The following LUZP2 variants were observed in gnomAD, a reference collection of about 807,000 sequenced individuals.
LUZP2 encodes leucine zipper protein 2.
In LUZP2, 52 loss-of-function variants were observed where a neutral mutation model predicts 51.6. The observed-to-expected ratio is 1.01, with a 90% CI of 0.81 to 1.27. The LOEUF (loss-of-function observed/expected upper bound fraction) is 1.27. LUZP2 is among the 50% of genes most tolerant of loss of function. The probability of loss-of-function intolerance (pLI) is 0.00; values close to 1 mark genes in which losing one functional copy is unlikely to be tolerated. For missense variants in LUZP2, 436 were observed against 395.4 expected (o/e 1.10, Z -0.87); for synonymous variants, 154 against 137.3 (o/e 1.12, Z -0.85).
intron 10 of LUZP2, among the ~76,000 whole-genome samples, chr11:25,061,762 C>T (rs932370700): frequency 6.6e-6 from 1 of 152,070 alleles, no homozygotes; most frequent in Non-Finnish European, 1.5e-5. Flanking sequence ...ATTAATCCAT[C>T]ATTCACTACA....
At chr11:24,896,222 T>C (rs1288476621) in intron 5 of LUZP2, among the ~76,000 whole-genome samples, 1 of 152,148 alleles carries the variant, frequency 6.6e-6, no homozygotes. Flanking sequence ...CACTGCACTG[T>C]GGGGGCCCCT....
In LUZP2 at chr11:24,875,152, G is replaced by A. The variant is rs1300533752; in HGVS notation, c.397-30839G>A. On this transcript the variant is annotated intron_variant, in intron 5 of 11. Coordinates refer to ENST00000336930, the MANE Select transcript of LUZP2 (RefSeq NM_001009909.4). The stretch of plus-strand genomic sequence containing the variant: ...GTTTTAGGGTACATGTGCACAATGT[G>A]CAGGTTAGTTACATATGTATACATG... Among the ~76,000 whole-genome samples the A allele has an allele frequency of 2.7e-5, 4 of 150,842 alleles. 1 individual carries two copies. In the East Asian group the frequency reaches 7.9e-4, roughly 30 times the overall value.
chr11:24,794,195 A>T (rs1231916504), intron 5 of LUZP2, among the ~76,000 whole-genome samples: 1 of 152,156 alleles, frequency 6.6e-6, no homozygotes, highest in Admixed American at 6.6e-5. Context: ...AGGAAGTGCC[A>T]TTAAACCTTG....
intron 1 of LUZP2, among the ~76,000 whole-genome samples, chr11:24,709,024 A>G (rs749981485): frequency 2.6e-5 from 4 of 152,166 alleles, no homozygotes; most frequent in Non-Finnish European, 5.9e-5. Flanking sequence ...ATGTTTCTGA[A>G]ATGATTGTCA....
At chr11:24,863,169 A>G (rs1263838324) in intron 5 of LUZP2, among the ~76,000 whole-genome samples, 1 of 152,162 alleles carries the variant, frequency 6.6e-6, no homozygotes, top group African/African-American at 2.4e-5. Context: ...TAAATATAGA[A>G]TGACCATAAG....
At chr11:24,568,376 A>T (rs1345215908) in intron 1 of LUZP2, among the ~76,000 whole-genome samples, 3 of 148,720 alleles carry the variant, frequency 2.0e-5, no homozygotes, top group African/African-American at 7.3e-5. Flanking sequence ...AAAAAAAAGG[A>T]CTAGATTATT....
At chr11:24,930,972 G>A (rs557265230) in intron 7 of LUZP2, among the ~76,000 whole-genome samples, 51 of 152,094 alleles carry the variant, frequency 3.4e-4, no homozygotes, top group South Asian at 1.0e-3. Context: ...CCAGCACTTT[G>A]GGAAGCCAAG....
At position 24,549,565 on chromosome 11, in the gene LUZP2, A is replaced by G. The variant is rs530663854; in HGVS notation, c.62+52260A>G. On this transcript the variant is annotated intron_variant, in intron 1 of 11. Transcript: ENST00000336930. ...TGTACTATACATAACTGTATGTGCA[A>G]TACTTTTATACAAGCGGAAGCAAGT... Among the ~76,000 whole-genome samples, 3 of 152,230 alleles carry G rather than the reference A, an allele frequency of 2.0e-5. No individual in the cohort carries two copies. In the East Asian group the frequency reaches 5.8e-4, roughly 29 times the overall value.
Position 24,751,576 on chromosome 11 carries a change from T to C in LUZP2, c.334-11670T>C, listed in dbSNP as rs974130379. ...GGGTGGAGTCGTAGTACCCACCCCA[T>C]CTCCCTTAGATCCCCTAAGAGCATT... On this transcript the variant is annotated intron_variant, in intron 4 of 11. Transcript: ENST00000336930. The C allele has an allele frequency of 1.7e-5, 17 of 982,690 alleles. No individual in the cohort carries two copies. The African/African-American group carries it at 2.6e-4, about 15-fold the overall frequency. The allele number at this position is 982,690 out of a possible 1,614,324, so 60.9% of individuals were successfully genotyped here. A position where few individuals can be genotyped will look rare whatever the true frequency, so the allele number is the denominator to read the frequency against.
chr11:24,992,437 G>A (rs1489402105), intron 9 of LUZP2, among the ~76,000 whole-genome samples: 1 of 151,974 alleles, frequency 6.6e-6, no homozygotes, highest in Non-Finnish European at 1.5e-5. Context: ...ACAATAAGGT[G>A]GTATTGGCTG....
At chr11:24,918,712 C>T (rs191283015) in intron 7 of LUZP2, among the ~76,000 whole-genome samples, 1 of 150,774 alleles carries the variant, frequency 6.6e-6, no homozygotes, top group Non-Finnish European at 1.5e-5. Context: ...TAAAGCCAAA[C>T]TTAAAATCCC....
chr11:25,028,498 T>G (rs1328297082), intron 9 of LUZP2, among the ~76,000 whole-genome samples: 1 of 152,118 alleles, frequency 6.6e-6, no homozygotes, highest in Non-Finnish European at 1.5e-5. Context: ...TGTAACAGCA[T>G]AGAACTGAAG....
intron 7 of LUZP2, among the ~76,000 whole-genome samples, chr11:24,948,610 A>G (rs979977110): frequency 6.6e-6 from 1 of 151,760 alleles, no homozygotes; most frequent in East Asian, 1.9e-4. Context: ...ACAGTATATG[A>G]TATGACAACA....
intron 5 of LUZP2, among the ~76,000 whole-genome samples, chr11:24,814,422 G>A (rs1334301584): frequency 6.6e-6 from 1 of 152,182 alleles, no homozygotes; most frequent in Admixed American, 6.5e-5. Flanking sequence ...TTTATTCCTA[G>A]AGACTATGTA....
rs1484594688 is a variant in LUZP2 at position 24,601,893 on chromosome 11, T to TATATGTATAC, written c.62+104590_62+104591insATGTATACAT. ...ATATGTATACATGTATATATGTATA[T>TATATGTATAC]ATGTATATATGTATATATGTATATA... is the stretch of plus-strand genomic sequence containing the variant. On this transcript the variant is annotated intron_variant, in intron 1 of 11. Transcript: ENST00000336930. 1.9e-3 allele frequency among the ~76,000 whole-genome samples: 117 copies of TATATGTATAC among 60,080 alleles called. 5 individuals carry two copies. Among genetic ancestry groups the TATATGTATAC allele is most frequent in the African/African-American group, 0.011 (115 of 10,704 alleles). 39.4% of individuals were successfully genotyped at this position (60,080 alleles called of 152,430 possible).
At chr11:24,905,672 C>T (rs559570229) in intron 5 of LUZP2, among the ~76,000 whole-genome samples, 2 of 152,138 alleles carry the variant, frequency 1.3e-5, no homozygotes, top group Non-Finnish European at 2.9e-5. Flanking sequence ...TTTTAGGACG[C>T]AAACACCCAC....
chr11:24,521,712 G>A (rs899941098), intron 1 of LUZP2, among the ~76,000 whole-genome samples: 1 of 152,128 alleles, frequency 6.6e-6, no homozygotes, highest in Non-Finnish European at 1.5e-5. Flanking sequence ...GCAGATCACA[G>A]TGAACGGGCA....
chr11:24,582,900 A>G (rs1645216925), intron 1 of LUZP2, among the ~76,000 whole-genome samples: 1 of 152,172 alleles, frequency 6.6e-6, no homozygotes, highest in South Asian at 2.1e-4. Flanking sequence ...AATATACACA[A>G]CTAGGGTAGA....
rs1277388215 is a variant in LUZP2, at chr11:24,922,825, C to CTTTTTTTTTTTTTT, written c.522+8298_522+8299insTTTTTTTTTTTTTT. ...GGACTACCAAGTGGCACAGTTATAT[C>CTTTTTTTTTTTTTT]TTTTTTTTTTTCTTTTTTTTTTTTT... On this transcript the variant is annotated intron_variant, in intron 7 of 11. Coordinates refer to ENST00000336930, the MANE Select transcript of LUZP2 (RefSeq NM_001009909.4). Among the ~76,000 whole-genome samples, 8 of 44,624 alleles carry CTTTTTTTTTTTTTT rather than the reference C, an allele frequency of 1.8e-4. 2 individuals are homozygous for CTTTTTTTTTTTTTT. Among genetic ancestry groups the CTTTTTTTTTTTTTT allele is most frequent in the Non-Finnish European group, 4.5e-4 (7 of 15,582 alleles). The allele number at this position is 44,624 out of a possible 152,430, so 29.3% of individuals were successfully genotyped here.
Sources: allele counts gnomAD v4.1 joint callset (sites outside exome capture counted in the v4.1 genomes callset), GRCh38; gene constraint gnomAD v4.1.1; transcripts MANE v1.5; gene names NCBI Gene and HGNC (gene_info 2026-07-23, HGNC 2026-07-21).